DLGAP1: variants seen among roughly 807,000 people sequenced by gnomAD.
DLGAP1 encodes the protein DLG associated protein 1.
A neutral mutation model predicts 90.8 loss-of-function variants in DLGAP1; 11 were observed. The ratio of observed to expected loss-of-function variants is 0.12; its 90% CI spans 0.08 to 0.20. The LOEUF (loss-of-function observed/expected upper bound fraction) is 0.20, where lower values mean the gene tolerates loss of function less well. Ranked by LOEUF, DLGAP1 falls within the 10% of genes least tolerant of loss-of-function variation. The pLI is 1.00. For synonymous variants in DLGAP1, 558 were observed against 540.7 expected, an observed-to-expected ratio of 1.03 and a Z score of -0.44; for missense variants, 1,050 against 1,333.8, an observed-to-expected ratio of 0.79 and a Z score of 3.31.
At chr18:4,092,896 C>A (rs1212210662) in intron 2 of DLGAP1, among the ~76,000 whole-genome samples, 1 of 152,174 alleles carries the variant, frequency 6.6e-6, no homozygotes, top group Non-Finnish European at 1.5e-5. Flanking sequence ...TACACTTGGC[C>A]TTTAGCAATT....
chr18:4,122,573 A>T (rs1417945364), intron 2 of DLGAP1, among the ~76,000 whole-genome samples: 1 of 152,130 alleles, frequency 6.6e-6, no homozygotes, highest in Non-Finnish European at 1.5e-5. Context: ...CACTGTTAGG[A>T]CTTTCTAAAC....
rs367912411 is a variant in DLGAP1 at position 3,561,403 on chromosome 18, T to G, written c.2057+6087A>C. ...GTGAGCCAAGATCCTGCCACTATAC[T>G]CCTTCCTGGGCGACAGAGCAAGACT... On this transcript the variant is annotated intron_variant, in intron 9 of 12. Coordinates refer to ENST00000315677, the MANE Select transcript of DLGAP1 (RefSeq NM_004746.4). 3.0e-5 allele frequency among the ~76,000 whole-genome samples: 4 copies of G among 131,560 alleles called. 1 individual carries two copies. The East Asian group carries it at 8.6e-4, about 28-fold the overall frequency. 86.3% of individuals were successfully genotyped at this position (131,560 alleles called of 152,430 possible). A position where few individuals can be genotyped will look rare whatever the true frequency, so the allele number is the denominator to read the frequency against.
At chr18:3,719,938 A>C (rs2061913808) in intron 7 of DLGAP1, among the ~76,000 whole-genome samples, 2 of 152,218 alleles carry the variant, frequency 1.3e-5, no homozygotes, top group Non-Finnish European at 2.9e-5. Context: ...GGAATAAGAA[A>C]GTTAGGTGAA....
intron 1 of DLGAP1, among the ~76,000 whole-genome samples, chr18:4,380,619 G>T (rs1233566427): frequency 6.6e-6 from 1 of 152,152 alleles, no homozygotes; most frequent in Non-Finnish European, 1.5e-5. Flanking sequence ...ATCTAATCTA[G>T]CAGATATTCA....
intron 1 of DLGAP1, among the ~76,000 whole-genome samples, chr18:4,443,994 A>G (rs1459477654): frequency 6.6e-6 from 1 of 152,252 alleles, no homozygotes; most frequent in Non-Finnish European, 1.5e-5. Context: ...TATGTTTTGC[A>G]CATGTGCTCA....
At chr18:3,738,472 A>G (rs1017936179) in intron 6 of DLGAP1, among the ~76,000 whole-genome samples, 2 of 148,362 alleles carry the variant, frequency 1.3e-5, no homozygotes, top group Non-Finnish European at 3.0e-5. Context: ...ATAACGCCAC[A>G]TATCTACAAC....
At chr18:3,962,668 C>T (rs1272399152) in intron 3 of DLGAP1, among the ~76,000 whole-genome samples, 2 of 152,056 alleles carry the variant, frequency 1.3e-5, no homozygotes, top group African/African-American at 4.8e-5. Context: ...CCATTCTTTC[C>T]ATCCCTATGC....
chr18:3,645,365 A>AAAAT (rs60252265), intron 7 of DLGAP1, among the ~76,000 whole-genome samples: 33,913 of 151,748 alleles, frequency 0.22, 4,179 homozygotes, highest in African/African-American at 0.31. Context: ...ACAGAAAATG[A>AAAAT]AAATAAATAA....
chr18:3,674,089 G>T (rs1400532177), intron 7 of DLGAP1, among the ~76,000 whole-genome samples: 5 of 151,890 alleles, frequency 3.3e-5, no homozygotes, highest in African/African-American at 7.3e-5. Flanking sequence ...TTATCCACCT[G>T]CCTTGGCCTC....
intron 7 of DLGAP1, among the ~76,000 whole-genome samples, chr18:3,657,635 C>T (rs1386482173): frequency 1.4e-5 from 2 of 142,588 alleles, no homozygotes; most frequent in Non-Finnish European, 3.0e-5. Flanking sequence ...CGGAGTCTTG[C>T]TCTGTTGCCC....
At chr18:3,874,814 A>AG in intron 4 of DLGAP1, 2 of 1,366,386 alleles carry the variant, frequency 1.5e-6, no homozygotes, top group Non-Finnish European at 1.9e-6. Flanking sequence ...TGGAAAAAAA[A>AG]GGAGTCCCTT....
At chr18:4,298,406 T>C (rs1325961388) in intron 1 of DLGAP1, among the ~76,000 whole-genome samples, 1 of 152,126 alleles carries the variant, frequency 6.6e-6, no homozygotes, top group Non-Finnish European at 1.5e-5. Context: ...TGGGGAATAG[T>C]TAAAGAAGCA....
chr18:3,692,694 T>A (rs1403069023), intron 7 of DLGAP1, among the ~76,000 whole-genome samples: 1 of 152,230 alleles, frequency 6.6e-6, no homozygotes, highest in African/African-American at 2.4e-5. Context: ...AGCACTCTCC[T>A]GTTACTGAGT....
In DLGAP1 at chr18:4,359,568, TTAAATAAA is replaced by T. The variant is rs2081590346; in HGVS notation, c.-267+95430_-267+95437del. ...GCTCCCGTGTCACATAAAACTTATA[TTAAATAAA>T]TATGTATGCTTTTCTCTTGCTAATG... On this transcript the variant is annotated intron_variant, in intron 1 of 12. Coordinates refer to ENST00000315677, the MANE Select transcript of DLGAP1 (RefSeq NM_004746.4). 2.6e-5 allele frequency among the ~76,000 whole-genome samples: 4 copies of T among 152,362 alleles called. No individual in the cohort carries two copies. In the South Asian group the frequency reaches 8.3e-4, roughly 32 times the overall value.
Position 3,524,663 on chromosome 18 carries a change from G to T in DLGAP1, c.2479+9531C>A, listed in dbSNP as rs369487341. 3.0e-4 allele frequency among the ~76,000 whole-genome samples: 46 copies of T among 152,218 alleles called. 1 individual carries two copies. The South Asian group carries it at 9.3e-3, about 31-fold the overall frequency. On this transcript the variant is annotated intron_variant, in intron 10 of 12. Transcript: ENST00000315677. ...TTTGAGTGGCTGAGGCAGGCAGATCGCTTGAACCTAGGAGTTCAAGACCAG... is the reference window on the plus strand; with the variant it reads ...TTTGAGTGGCTGAGGCAGGCAGATCTCTTGAACCTAGGAGTTCAAGACCAG...
At chr18:3,989,959 C>T (rs1323259945) in intron 3 of DLGAP1, among the ~76,000 whole-genome samples, 4 of 151,674 alleles carry the variant, frequency 2.6e-5, no homozygotes, top group South Asian at 2.1e-4. Context: ...GTTAGAATGG[C>T]GATCATTAAA....
intron 7 of DLGAP1, among the ~76,000 whole-genome samples, chr18:3,715,711 TG>T (rs575625661): frequency 1.3e-5 from 2 of 152,318 alleles, no homozygotes; most frequent in South Asian, 4.1e-4. Context: ...GGAGTTTTTC[TG>T]GCTGGAACAC....
chr18:3,803,994 A>G (rs1018888813), intron 5 of DLGAP1, among the ~76,000 whole-genome samples: 2 of 100,184 alleles, frequency 2.0e-5, no homozygotes, highest in African/African-American at 4.0e-5. Flanking sequence ...ATATATATAT[A>G]TATATATATA....
chr18:4,167,293 G>C (rs2076948911), intron 1 of DLGAP1, among the ~76,000 whole-genome samples: 1 of 152,014 alleles, frequency 6.6e-6, no homozygotes. Flanking sequence ...GTTTGGAGGA[G>C]ATTTATTTCA....
Sources: allele counts gnomAD v4.1 joint callset (sites outside exome capture counted in the v4.1 genomes callset), GRCh38; gene constraint gnomAD v4.1.1; transcripts MANE v1.5; gene names NCBI Gene and HGNC (gene_info 2026-07-23, HGNC 2026-07-21).